Variants in LAMA2 observed in about 807,000 individuals in gnomAD.
LAMA2 encodes the protein laminin subunit alpha 2, also known as laminin subunit alpha-2.
In LAMA2, 269 loss-of-function variants were observed where a neutral mutation model predicts 364.8. The ratio of observed to expected loss-of-function variants is 0.74; its 90% CI spans 0.67 to 0.82. The LOEUF (loss-of-function observed/expected upper bound fraction) is 0.82. Ranked by LOEUF, LAMA2 falls within the 40% of genes least tolerant of loss-of-function variation. The probability of loss-of-function intolerance (pLI) is 0.00; values close to 1 mark genes in which losing one functional copy is unlikely to be tolerated. For missense variants in LAMA2, 3,807 were observed against 3,873.2 expected (o/e 0.98, Z 0.45); for synonymous variants, 1,379 against 1,370.6 (o/e 1.01, Z -0.14).
chr6:129,236,767 AT>A (rs1220078394), intron 12 of LAMA2, among the ~76,000 whole-genome samples: 52 of 152,000 alleles, frequency 3.4e-4, no homozygotes, highest in Admixed American at 2.4e-3. Context: ...ATATATATTT[AT>A]TTTTCCTCAT....
At chr6:129,359,849 T>A (rs955745569) in intron 32 of LAMA2, among the ~76,000 whole-genome samples, 8 of 152,096 alleles carry the variant, frequency 5.3e-5, no homozygotes, top group Admixed American at 3.3e-4. Flanking sequence ...AGCCAGTAGT[T>A]ATTATGCATG....
At chr6:129,287,795 T>A in intron 18 of LAMA2, 52 bp from the exon 19 acceptor site, 1 of 1,375,558 alleles carries the variant, frequency 7.3e-7, no homozygotes, top group East Asian at 2.3e-5. Context: ...ATGTAAACAT[T>A]GCCCCAACTG....
In LAMA2 at chr6:129,393,031, G is replaced by T. The variant is rs752807903; in HGVS notation, c.5235-14G>T. On this transcript the variant is annotated splice_polypyrimidine_tract_variant and intron_variant, in intron 36 of 64. Transcript: ENST00000421865. ...TGAGCTCATTGTCTATTATTGGGCT[G>T]GGGGTGGTTACAGAGCTGCAGAAGC... The T allele has an allele frequency of 2.5e-6, 4 of 1,607,520 alleles. No individual in the cohort carries two copies. Among genetic ancestry groups the T allele is most frequent in the Non-Finnish European group, 3.4e-6 (4 of 1,175,432 alleles).
chr6:129,377,157 A>G (rs915641741), intron 34 of LAMA2, among the ~76,000 whole-genome samples: 4 of 152,080 alleles, frequency 2.6e-5, no homozygotes, highest in Non-Finnish European at 4.4e-5. Context: ...TAAGGGGAGA[A>G]TGCTATGTAG....
chr6:129,204,778 TTA>T (rs200362292), intron 12 of LAMA2, among the ~76,000 whole-genome samples: 2 of 150,960 alleles, frequency 1.3e-5, no homozygotes, highest in South Asian at 4.1e-4. Context: ...TTCATTCTTG[TTA>T]TATATATATA....
chr6:129,501,593 A>C (rs1317984787), intron 58 of LAMA2, among the ~76,000 whole-genome samples: 1 of 152,222 alleles, frequency 6.6e-6, no homozygotes, highest in Non-Finnish European at 1.5e-5. Flanking sequence ...ACTGTGCATC[A>C]AAAGCCTGCC....
chr6:129,037,817 T>A (rs549331029), intron 1 of LAMA2, among the ~76,000 whole-genome samples: 5 of 152,018 alleles, frequency 3.3e-5, no homozygotes, highest in Non-Finnish European at 7.4e-5. Context: ...CTACAGGTGC[T>A]TGCCACCACA....
chr6:129,318,319 A>G (rs1774743128), intron 27 of LAMA2, among the ~76,000 whole-genome samples: 1 of 152,160 alleles, frequency 6.6e-6, no homozygotes, highest in Admixed American at 6.5e-5. Context: ...TAATTTAAGG[A>G]AATAGCAACT....
intron 34 of LAMA2, among the ~76,000 whole-genome samples, chr6:129,370,760 T>C (rs1459479866): frequency 1.3e-5 from 2 of 152,216 alleles, no homozygotes; most frequent in African/African-American, 2.4e-5. Flanking sequence ...CCTCGGGCCA[T>C]GACAGTGAAA....
intron 12 of LAMA2, among the ~76,000 whole-genome samples, chr6:129,233,835 C>G (rs1784822278): frequency 6.6e-6 from 1 of 152,104 alleles, no homozygotes; most frequent in Non-Finnish European, 1.5e-5. Flanking sequence ...GGTATTTGTC[C>G]TTTTTTTCCT....
intron 4 of LAMA2, among the ~76,000 whole-genome samples, chr6:129,118,416 T>C (rs1181145075): frequency 6.6e-6 from 1 of 152,238 alleles, no homozygotes; most frequent in African/African-American, 2.4e-5. Context: ...TACGATTCCT[T>C]CTTCCTCTAT....
chr6:129,506,111 G>A (rs1217233108), intron 61 of LAMA2, among the ~76,000 whole-genome samples: 1 of 152,090 alleles, frequency 6.6e-6, no homozygotes, highest in Admixed American at 6.5e-5. Context: ...CCAGCACTTT[G>A]GGAGGCCAAG....
chr6:129,135,295 T>C (rs1176688254), intron 4 of LAMA2, among the ~76,000 whole-genome samples: 1 of 152,184 alleles, frequency 6.6e-6, no homozygotes, highest in Admixed American at 6.5e-5. Context: ...AGACTCTCAC[T>C]AGTGGTGAGC....
intron 22 of LAMA2, among the ~76,000 whole-genome samples, chr6:129,309,404 C>G (rs1228767255): frequency 6.6e-6 from 1 of 152,104 alleles, no homozygotes; most frequent in Non-Finnish European, 1.5e-5. Context: ...TGGAAAGGTC[C>G]CAATGTCTAT....
intron 1 of LAMA2, among the ~76,000 whole-genome samples, chr6:128,993,106 T>C (rs1783707223): frequency 6.6e-6 from 1 of 152,162 alleles, no homozygotes; most frequent in African/African-American, 2.4e-5. Flanking sequence ...TGAAATCACT[T>C]AACCCCAGCA....
intron 8 of LAMA2, among the ~76,000 whole-genome samples, chr6:129,160,651 G>C (rs1263980863): frequency 3.3e-5 from 5 of 151,748 alleles, no homozygotes; most frequent in African/African-American, 1.2e-4. Flanking sequence ...AATTTGGAAA[G>C]TTAAATTATG....
intron 33 of LAMA2, 76 bp downstream of exon 33, chr6:129,366,437 G>C: frequency 6.6e-7 from 1 of 1,514,666 alleles, no homozygotes; most frequent in Non-Finnish European, 9.1e-7. Context: ...GCTGTAATTG[G>C]TAAATGTTCT....
intron 62 of LAMA2, among the ~76,000 whole-genome samples, chr6:129,511,619 CTGAG>C (rs1007582003): frequency 4.6e-5 from 7 of 152,088 alleles, no homozygotes; most frequent in Admixed American, 1.3e-4. Context: ...GAAAATTCCC[CTGAG>C]TATTTCTCTG....
chr6:129,385,997 A>G (rs182630624), intron 35 of LAMA2, among the ~76,000 whole-genome samples: 8 of 152,252 alleles, frequency 5.3e-5, no homozygotes, highest in Admixed American at 5.2e-4. Context: ...GATGCTTAGT[A>G]GTGGACTTAG....
Sources: gnomAD v4.1 joint callset for allele counts (sites outside exome capture counted in the v4.1 genomes callset) on GRCh38, gnomAD v4.1.1 for gene constraint, MANE v1.5 for transcripts, NCBI Gene and HGNC (gene_info 2026-07-23, HGNC 2026-07-21) for gene names.